GLRA2: variants seen among roughly 807,000 people sequenced by gnomAD.
GLRA2 encodes glycine receptor subunit alpha-2.
Under a neutral mutation model 31.6 loss-of-function variants are expected in GLRA2, and 11 were observed. The ratio of observed to expected loss-of-function variants is 0.35; its 90% CI spans 0.22 to 0.58. The LOEUF (loss-of-function observed/expected upper bound fraction) is 0.58. Ranked by LOEUF, GLRA2 falls within the 20% of genes least tolerant of loss-of-function variation. The pLI is 0.84. For missense variants in GLRA2, 212 were observed against 351.8 expected, an observed-to-expected ratio of 0.60 and a Z score of 3.18; for synonymous variants, 132 against 134.0, an observed-to-expected ratio of 0.99 and a Z score of 0.10.
chrX:14,609,607 A>C (rs1440081666), intron 7 of GLRA2, among the ~76,000 whole-genome samples: 1 of 111,555 alleles, frequency 9.0e-6, no homozygotes, highest in Non-Finnish European at 1.9e-5. Context: ...ATGTTTAGTG[A>C]AGTCATTTAT....
intron 8 of GLRA2, among the ~76,000 whole-genome samples, chrX:14,704,615 C>T (rs752223824): frequency 7.2e-5 from 8 of 111,660 alleles, no homozygotes; most frequent in Non-Finnish European, 1.5e-4. Context: ...TTATTTCCCA[C>T]CTGATTGATG....
intron 2 of GLRA2, among the ~76,000 whole-genome samples, chrX:14,568,351 G>T (rs752978519): frequency 1.8e-5 from 2 of 111,527 alleles, no homozygotes; most frequent in Non-Finnish European, 3.8e-5. Context: ...ATTTTGACAG[G>T]GTTGGCAAGT....
chrX:14,662,381 T>G (rs1381927565), intron 7 of GLRA2, among the ~76,000 whole-genome samples: 1 of 111,710 alleles, frequency 9.0e-6, no homozygotes, highest in Non-Finnish European at 1.9e-5. Context: ...GCTCACATTT[T>G]TTTACATTAA....
At chrX:14,634,123 A>G (rs1457283431) in intron 7 of GLRA2, among the ~76,000 whole-genome samples, 4 of 110,474 alleles carry the variant, frequency 3.6e-5, no homozygotes, top group South Asian at 7.9e-4. Flanking sequence ...TAATTTTTGT[A>G]TTTTTAGTAG....
intron 3 of GLRA2, among the ~76,000 whole-genome samples, chrX:14,580,943 A>T (rs974137944): frequency 8.9e-6 from 1 of 112,066 alleles, no homozygotes. Flanking sequence ...AAACACTAAA[A>T]AATTCAACCA....
At chrX:14,629,963 C>A (rs1397937196) in intron 7 of GLRA2, among the ~76,000 whole-genome samples, 1 of 111,551 alleles carries the variant, frequency 9.0e-6, no homozygotes, top group East Asian at 2.8e-4. Flanking sequence ...GTCTAAACAG[C>A]CAATTATCTT....
intron 8 of GLRA2, among the ~76,000 whole-genome samples, chrX:14,693,025 TAAAACTTAAAGTATAATAACAAAAAAAA>T (rs2091384973): frequency 9.8e-6 from 1 of 102,167 alleles, no homozygotes; most frequent in Admixed American, 1.1e-4. Flanking sequence ...ACATGTACCC[TAAAACTTAAAGTATAATAACAAAAAAAA>T]AAAAGAAAGA....
chrX:14,556,606 T>C (rs1422291732), intron 2 of GLRA2, among the ~76,000 whole-genome samples: 1 of 111,986 alleles, frequency 8.9e-6, no homozygotes, highest in African/African-American at 3.3e-5. Context: ...ATCTTTAAAA[T>C]AGGAAATGAA....
At chrX:14,502,377 A>G in the GLRA2 span, among the ~76,000 whole-genome samples, 1 of 112,211 alleles carries the variant, frequency 8.9e-6, no homozygotes, top group African/African-American at 3.2e-5. Flanking sequence ...CAGCACCAAT[A>G]CAGAATCCAA....
intron 3 of GLRA2, among the ~76,000 whole-genome samples, chrX:14,578,750 T>C (rs1482842992): frequency 8.9e-6 from 1 of 111,907 alleles, no homozygotes; most frequent in Non-Finnish European, 1.9e-5. Context: ...ATTTTAGTAA[T>C]GTCAGTAAGG....
intron 7 of GLRA2, among the ~76,000 whole-genome samples, chrX:14,625,293 CTT>C (rs1427176509): frequency 1.3e-4 from 14 of 111,327 alleles, no homozygotes; most frequent in African/African-American, 4.2e-4. Context: ...GGTCTTGACT[CTT>C]TATCCAATTT....
chrX:14,688,330 T>G (rs1267064590), intron 7 of GLRA2, among the ~76,000 whole-genome samples: 1 of 111,610 alleles, frequency 9.0e-6, no homozygotes, highest in Non-Finnish European at 1.9e-5. Context: ...TTCAAAGCTG[T>G]CAGACAGGGA....
intron 7 of GLRA2, among the ~76,000 whole-genome samples, chrX:14,626,876 A>C (rs762017541): frequency 3.6e-5 from 4 of 112,223 alleles, no homozygotes; most frequent in Admixed American, 9.4e-5. Flanking sequence ...GAACAAAAGA[A>C]TATTTGCTGC....
At chrX:14,459,834 T>C in the GLRA2 span, among the ~76,000 whole-genome samples, 1 of 112,076 alleles carries the variant, frequency 8.9e-6, no homozygotes, top group Non-Finnish European at 1.9e-5. Flanking sequence ...CAATTTGACT[T>C]TCTCTCTTCC....
the GLRA2 span, among the ~76,000 whole-genome samples, chrX:14,500,916 C>G: frequency 4.3e-4 from 48 of 110,705 alleles, no homozygotes; most frequent in Non-Finnish European, 6.8e-4. Context: ...CTCAGAAAGT[C>G]TTAATATAAT....
At chrX:14,606,447 T>C (rs2090335237) in intron 5 of GLRA2, among the ~76,000 whole-genome samples, 2 of 111,915 alleles carry the variant, frequency 1.8e-5, no homozygotes, top group Admixed American at 9.5e-5. Context: ...TCTTTCATAA[T>C]AGGTAATCTG....
the GLRA2 span, among the ~76,000 whole-genome samples, chrX:14,503,665 A>G: frequency 9.0e-6 from 1 of 111,444 alleles, no homozygotes; most frequent in African/African-American, 3.3e-5. Context: ...GAGGGCAGTG[A>G]GCAGATCTCT....
At chrX:14,660,004 T>G (rs905814614) in intron 7 of GLRA2, among the ~76,000 whole-genome samples, 1 of 111,744 alleles carries the variant, frequency 8.9e-6, no homozygotes, top group African/African-American at 3.3e-5. Flanking sequence ...CCCTTGGGAT[T>G]TACCAGTCAA....
chrX:14,593,477 T>C (rs147813884), intron 4 of GLRA2, among the ~76,000 whole-genome samples: 4 of 112,385 alleles, frequency 3.6e-5, no homozygotes, highest in African/African-American at 1.3e-4. Context: ...ATGTTTCATT[T>C]TAGTATGGAT....
Sources: gnomAD v4.1 joint callset for allele counts (sites outside exome capture counted in the v4.1 genomes callset) on GRCh38, gnomAD v4.1.1 for gene constraint, MANE v1.5 for transcripts, NCBI Gene and HGNC (gene_info 2026-07-23, HGNC 2026-07-21) for gene names.